SEC14L3: variants seen among roughly 807,000 people sequenced by gnomAD.
The protein encoded by SEC14L3 is SEC14 like lipid binding 3, also known as SEC14-like protein 3.
Under a neutral mutation model 57.4 loss-of-function variants are expected in SEC14L3, and 56 were observed. The observed-to-expected ratio is 0.97, with a 90% CI of 0.79 to 1.22. The LOEUF (loss-of-function observed/expected upper bound fraction) is 1.22, where lower values mean the gene tolerates loss of function less well. Among genes scored for constraint, SEC14L3 ranks in the 50% most tolerant of loss-of-function variants. The probability of loss-of-function intolerance (pLI) is 0.00; values close to 1 mark genes in which losing one functional copy is unlikely to be tolerated. For synonymous variants in SEC14L3, 173 were observed against 194.4 expected (o/e 0.89, Z 0.92); for missense variants, 485 against 511.7 (o/e 0.95, Z 0.50).
chr22:30,471,921 G>A lies in SEC14L3; in HGVS notation c.38C>T (p.Ala13Val). 4 of 1,612,390 alleles carry A rather than the reference G, an allele frequency of 2.5e-6. No homozygotes were observed. Among genetic ancestry groups the A allele is most frequent in the Non-Finnish European group, 3.4e-6 (4 of 1,179,208 alleles). Reference protein sequence around the residue: ...GRVGDLSPKQAETLAKFRENV... With the variant: ...GRVGDLSPKQVETLAKFRENV... Reference sequence around the variant, plus strand: ...GGCTCTCACCTTGGCCAGGGTCTCTGCCTGTTTGGGGCTCAGGTCTCCAAC... The same window carrying A: ...GGCTCTCACCTTGGCCAGGGTCTCTACCTGTTTGGGGCTCAGGTCTCCAAC... The change falls in exon 1 of 12, where the codon GCA (alanine) becomes GTA (valine). Residue 13 changes from alanine (A) to valine (V), a missense_variant. Transcript: ENST00000215812.
At chr22:30,455,667 G>A (rs1293973327), downstream of SEC14L3, among the ~76,000 whole-genome samples, 1 of 152,220 alleles carries the variant, frequency 6.6e-6, no homozygotes, top group South Asian at 2.1e-4. Flanking sequence ...CTTGGGGAAG[G>A]AGTAAGAGGC....
chr22:30,451,586 G>T (rs927614547), intron 12 of SEC14L3, among the ~76,000 whole-genome samples: 2 of 152,154 alleles, frequency 1.3e-5, no homozygotes, highest in Admixed American at 6.5e-5. Context: ...ACTGTGCCCC[G>T]AAGAGTAAGA....
At position 30,459,688 on chromosome 22, in the gene SEC14L3, G is replaced by A. The variant is rs999612573; in HGVS notation, c.*333C>T. 68 of 1,026,354 alleles carry A rather than the reference G, an allele frequency of 6.6e-5. No individual in the cohort carries two copies. The highest frequency in any genetic ancestry group is 6.7e-5 in the African/African-American group (4 of 59,378). The allele number at this position is 1,026,354 out of a possible 1,614,324, so 63.6% of individuals were successfully genotyped here. On this transcript the variant is annotated 3_prime_UTR_variant, in exon 12 of 12. Transcript: ENST00000215812. ...CAACCCAAGTTGCTCACAGCCATAC[G>A]GAAGGAATTCAAGCATACACACCTG... is the stretch of plus-strand genomic sequence containing the variant.
downstream of SEC14L3, among the ~76,000 whole-genome samples, chr22:30,455,261 A>ATATATAATATAT (rs1569225817): frequency 1.5e-5 from 2 of 132,096 alleles, no homozygotes; most frequent in Admixed American, 9.4e-5. Context: ...ATAATATATT[A>ATATATAATATAT]TATATATTTG....
intron 12 of SEC14L3, among the ~76,000 whole-genome samples, chr22:30,452,016 AGAAAAG>A (rs1934995761): frequency 6.8e-6 from 1 of 146,432 alleles, no homozygotes; most frequent in Non-Finnish European, 1.5e-5. Context: ...AAAAGAAAAA[AGAAAAG>A]AAAAGAAAAG....
chr22:30,459,957 G>T lies in SEC14L3; in HGVS notation c.*64C>A. On this transcript the variant is annotated 3_prime_UTR_variant, in exon 12 of 12. Coordinates refer to ENST00000215812, the MANE Select transcript of SEC14L3 (RefSeq NM_174975.5). ...CTAACAATCAATTTCAGGGAGGGAG[G>T]GAGTGTAGGATATAAACAGAGAAAT... 1 of 1,575,372 alleles carries T rather than the reference G, an allele frequency of 6.3e-7. No individual in the cohort carries two copies. Among genetic ancestry groups the T allele is most frequent in the Non-Finnish European group, 8.6e-7 (1 of 1,156,248 alleles).
rs768206136 is a variant in SEC14L3 at position 30,460,235 on chromosome 22, A to G, written c.1082-93T>C. 6.8e-4 allele frequency: 1,039 copies of G among 1,529,114 alleles called. 2 individuals are homozygous for G. The highest frequency in any genetic ancestry group is 2.9e-3 in the South Asian group (234 of 80,024). 94.7% of individuals were successfully genotyped at this position (1,529,114 alleles called of 1,614,324 possible). A position where few individuals can be genotyped will look rare whatever the true frequency, so the allele number is the denominator to read the frequency against. ...TGGAGGAGGACAGGCTTGTGTTCCC[A>G]CTGGCTTTGTTTGCCAAGCTGGGCC... On this transcript the variant is annotated intron_variant, in intron 11 of 11. Transcript: ENST00000215812.
Position 30,452,717 on chromosome 22 carries a change from CT to C in SEC14L3, c.905-3474del, listed in dbSNP as rs71198554. On this transcript the variant is annotated intron_variant, in intron 12 of 12. Coordinates refer to the SEC14L3 transcript ENST00000403066. ...GCTCTTCCTCTTTCTTTCTTTCTTT[CT>C]TTTTTTTTTTTTTTTGACAGGTTCT... is the stretch of plus-strand genomic sequence containing the variant. 1.3e-3 allele frequency among the ~76,000 whole-genome samples: 171 copies of C among 131,614 alleles called. 1 individual carries two copies. Among genetic ancestry groups the C allele is most frequent in the South Asian group, 5.4e-3 (22 of 4,070 alleles). The allele number at this position is 131,614 out of a possible 152,430, so 86.3% of individuals were successfully genotyped here.
chr22:30,470,278 T>C (rs1001055679), intron 2 of SEC14L3, 23 bp from the exon 3 acceptor site: 2 of 1,610,874 alleles, frequency 1.2e-6, no homozygotes, highest in African/African-American at 2.7e-5. Flanking sequence ...AGAAGGAAGG[T>C]GTGAGACAGG....
rs779940040 is a variant in SEC14L3, at chr22:30,462,095, A to T, written c.762T>A (p.Cys254Ter). ...GAAGGGCTCTTTGTACCTTGGTTAA[A>T]CATTTGGGGTTCCCATCTGGGTCAG... ...TLTDPDGNPK[C>*]LTKINYGGEI... The change falls in exon 9 of 12, where the codon TGT becomes TGA. Residue 254 changes from cysteine to a stop codon, truncating the protein, a stop_gained. Transcript: ENST00000215812. LOFTEE classifies it high-confidence loss of function. 14 of 1,613,942 alleles carry T rather than the reference A, an allele frequency of 8.7e-6. No homozygotes were observed. The highest frequency in any genetic ancestry group is 1.7e-6 in the Non-Finnish European group (2 of 1,180,000).
chr22:30,471,894 G>A lies in SEC14L3; in HGVS notation c.54+11C>T, dbSNP rs1935624740. The A allele has an allele frequency of 1.2e-6, 2 of 1,613,302 alleles. No homozygotes were observed. Among genetic ancestry groups the A allele is most frequent in the African/African-American group, 1.3e-5 (1 of 74,890 alleles). On this transcript the variant is annotated intron_variant, in intron 1 of 11. Coordinates refer to ENST00000215812, the MANE Select transcript of SEC14L3 (RefSeq NM_174975.5). ...CTGGTCTTCCGGAACTCCAGGGGGA[G>A]GGGCTCTCACCTTGGCCAGGGTCTC...
chr22:30,460,359 G>T, intron 11 of SEC14L3: 1 of 745,388 alleles, frequency 1.3e-6, no homozygotes, highest in Non-Finnish European at 1.6e-6. Context: ...GCCCAGGCAT[G>T]GCTTTACTGG....
downstream of SEC14L3, among the ~76,000 whole-genome samples, chr22:30,454,981 T>TATA (rs1569225494): frequency 2.8e-3 from 177 of 63,646 alleles, no homozygotes; most frequent in Non-Finnish European, 3.8e-3. Flanking sequence ...AATATATTAT[T>TATA]ATATATTATA....
At chr22:30,460,200 C>T (rs546354453) in intron 11 of SEC14L3, 58 bp from the exon 12 acceptor site, 8 of 1,589,528 alleles carry the variant, frequency 5.0e-6, no homozygotes, top group Non-Finnish European at 6.9e-6. Context: ...CTTTTTTCCA[C>T]CCCTGGCCAT....
In SEC14L3 at chr22:30,466,162, A is replaced by G. The variant is rs144638310; in HGVS notation, c.580+172T>C. On this transcript the variant is annotated intron_variant, in intron 7 of 11. Coordinates refer to ENST00000215812, the MANE Select transcript of SEC14L3 (RefSeq NM_174975.5). ...CTTCTCTTGCAGTAAGGCCAACCCTAGAAGTTACCATTTATTGAGAACTTA... is the reference window on the plus strand; with the variant it reads ...CTTCTCTTGCAGTAAGGCCAACCCTGGAAGTTACCATTTATTGAGAACTTA... Among the ~76,000 whole-genome samples the G allele has an allele frequency of 6.4e-3, 977 of 152,338 alleles. 2 individuals are homozygous for G. Among genetic ancestry groups the G allele is most frequent in the Non-Finnish European group, 0.011 (721 of 68,028 alleles).
chr22:30,464,725 C>A, intron 8 of SEC14L3, 95 bp downstream of exon 8: 1 of 1,161,016 alleles, frequency 8.6e-7, no homozygotes, highest in African/African-American at 1.5e-5. Context: ...GCCACTGCAC[C>A]CAACCTAATG....
intron 7 of SEC14L3, among the ~76,000 whole-genome samples, chr22:30,465,968 A>C (rs559019838): frequency 1.4e-4 from 22 of 152,248 alleles, no homozygotes; most frequent in Non-Finnish European, 2.8e-4. Flanking sequence ...CAGAAAACTC[A>C]GCCAGTAAAG....
intron 1 of SEC14L3, 29 bp from the exon 2 acceptor site, chr22:30,470,611 C>T (rs764567487): frequency 6.2e-7 from 1 of 1,614,086 alleles, no homozygotes; most frequent in Non-Finnish European, 8.5e-7. Context: ...GTTAAAGTGG[C>T]TCTCTCACAT....
At chr22:30,462,491 C>T (rs778349928) in intron 8 of SEC14L3, among the ~76,000 whole-genome samples, 5 of 152,150 alleles carry the variant, frequency 3.3e-5, no homozygotes, top group Non-Finnish European at 4.4e-5. Context: ...ACTGCAGCCT[C>T]GACTTCCTGG....
Sources: gnomAD v4.1 joint callset for allele counts (sites outside exome capture counted in the v4.1 genomes callset) on GRCh38, gnomAD v4.1.1 for gene constraint, MANE v1.5 for transcripts, NCBI Gene and HGNC (gene_info 2026-07-23, HGNC 2026-07-21) for gene names.